Variants in RAD51B observed in about 807,000 individuals in gnomAD.
RAD51B encodes the protein DNA repair protein RAD51 homolog 2.
In RAD51B, 38 loss-of-function variants were observed where a neutral mutation model predicts 42.2. The observed-to-expected ratio is 0.90, with a 90% CI of 0.70 to 1.18. RAD51B has a LOEUF of 1.18. Among genes scored for constraint, RAD51B ranks in the 50% most tolerant of loss-of-function variants. The probability of loss-of-function intolerance (pLI) is 0.00; values close to 1 mark genes in which losing one functional copy is unlikely to be tolerated. For synonymous variants in RAD51B, 154 were observed against 145.2 expected, an observed-to-expected ratio of 1.06 and a Z score of -0.43; for missense variants, 373 against 400.7, an observed-to-expected ratio of 0.93 and a Z score of 0.59.
intron 7 of RAD51B, among the ~76,000 whole-genome samples, chr14:67,945,762 T>C (rs964483306): frequency 5.3e-5 from 8 of 152,106 alleles, no homozygotes; most frequent in African/African-American, 1.7e-4. Context: ...TGAGCTACCA[T>C]GCCCAGCCCA....
At chr14:68,428,741 ATATATATATATATATATATATAT>A (rs1198271369) in intron 9 of RAD51B, among the ~76,000 whole-genome samples, 3 of 40,452 alleles carry the variant, frequency 7.4e-5, no homozygotes, top group Non-Finnish European at 1.6e-4. Context: ...ATATATATAT[ATATATATATATATATATATATAT>A]AATTATTATA....
chr14:68,086,324 C>T (rs541399922), intron 7 of RAD51B, among the ~76,000 whole-genome samples: 47 of 152,192 alleles, frequency 3.1e-4, no homozygotes, highest in Middle Eastern at 3.4e-3. Flanking sequence ...GTGTGTTCCT[C>T]GGCTCGTGTG....
At chr14:68,335,151 G>C (rs1333270205) in intron 8 of RAD51B, among the ~76,000 whole-genome samples, 1 of 150,350 alleles carries the variant, frequency 6.7e-6, no homozygotes, top group African/African-American at 2.4e-5. Context: ...ACAAAAATTA[G>C]CTGGGCATGG....
At chr14:68,271,443 C>T (rs541825547) in intron 7 of RAD51B, among the ~76,000 whole-genome samples, 2 of 152,244 alleles carry the variant, frequency 1.3e-5, no homozygotes, top group East Asian at 1.9e-4. Flanking sequence ...TTTAACCTCT[C>T]TGAGACTCAT....
At chr14:67,847,822 C>A (rs1447126713) in intron 4 of RAD51B, among the ~76,000 whole-genome samples, 2 of 152,074 alleles carry the variant, frequency 1.3e-5, no homozygotes, top group African/African-American at 4.8e-5. Flanking sequence ...AAGTTTAAGT[C>A]CAGAGTTTCT....
At chr14:68,532,772 A>G (rs941726742) in intron 10 of RAD51B, among the ~76,000 whole-genome samples, 1 of 152,228 alleles carries the variant, frequency 6.6e-6, no homozygotes, top group African/African-American at 2.4e-5. Context: ...GAACAGACTA[A>G]TCCATTATAA....
intron 4 of RAD51B, among the ~76,000 whole-genome samples, chr14:67,854,018 T>A (rs2041905558): frequency 6.6e-6 from 1 of 152,176 alleles, no homozygotes; most frequent in Non-Finnish European, 1.5e-5. Flanking sequence ...ACCTTAAAGT[T>A]TGTATTATGT....
rs1012006089 is a variant in RAD51B, at chr14:68,235,655, G to C, written c.757-56229G>C. Among the ~76,000 whole-genome samples the C allele has an allele frequency of 7.0e-4, 84 of 119,974 alleles. 1 individual carries two copies. Among genetic ancestry groups the C allele is most frequent in the African/African-American group, 2.5e-3 (79 of 31,218 alleles). 78.7% of individuals were successfully genotyped at this position (119,974 alleles called of 152,430 possible). Reference sequence around the variant, plus strand: ...GGAGGCGGAGCTTGCAGTGAGCCGAGATCCCGCCACTGCACTCCAGCCTGG... The same window carrying C: ...GGAGGCGGAGCTTGCAGTGAGCCGACATCCCGCCACTGCACTCCAGCCTGG... On this transcript the variant is annotated intron_variant, in intron 7 of 10. Coordinates refer to ENST00000471583, the MANE Select transcript of RAD51B (RefSeq NM_133510.4).
Position 68,477,906 on chromosome 14 carries a change from G to C in RAD51B, c.*242G>C, listed in dbSNP as rs11622203. On this transcript the variant is annotated 3_prime_UTR_variant, in exon 11 of 11. Transcript: ENST00000471583. ...GATGTGTAGGGCTGAGGGCTTTGCC[G>C]CCATGGGATGTCAACAGCCATAATA... is the stretch of plus-strand genomic sequence containing the variant. 7.7e-7 allele frequency: 1 copy of C among 1,296,492 alleles called. No homozygotes were observed. The highest frequency in any genetic ancestry group is 2.9e-5 in the East Asian group (1 of 33,992). The allele number at this position is 1,296,492 out of a possible 1,614,324, so 80.3% of individuals were successfully genotyped here. A position where few individuals can be genotyped will look rare whatever the true frequency, so the allele number is the denominator to read the frequency against.
intron 10 of RAD51B, among the ~76,000 whole-genome samples, chr14:68,524,908 A>G (rs1402097188): frequency 6.6e-6 from 1 of 152,248 alleles, no homozygotes; most frequent in Non-Finnish European, 1.5e-5. Context: ...TGTTCGTGAT[A>G]GGGGTTTCCA....
intron 7 of RAD51B, among the ~76,000 whole-genome samples, chr14:68,271,472 G>A (rs1287861094): frequency 1.3e-5 from 2 of 151,898 alleles, no homozygotes; most frequent in African/African-American, 4.8e-5. Context: ...TCTATAAAAT[G>A]AATATTATAG....
chr14:68,123,191 C>CTTTTTTTTTTTTTTTTTTTTTTTTTTTT (rs541886088), intron 7 of RAD51B, among the ~76,000 whole-genome samples: 1 of 125,502 alleles, frequency 8.0e-6, no homozygotes, highest in Non-Finnish European at 1.7e-5. Context: ...TTCTTTCTTT[C>CTTTTTTTTTTTTTTTTTTTTTTTTTTTT]TTTTTTTTTT....
At chr14:68,152,166 C>T (rs1019123755) in intron 7 of RAD51B, among the ~76,000 whole-genome samples, 2 of 152,030 alleles carry the variant, frequency 1.3e-5, no homozygotes, top group South Asian at 4.1e-4. Context: ...TTAATGTTCT[C>T]GTGTTATGTA....
chr14:68,525,688 A>G (rs1310050954), intron 10 of RAD51B, among the ~76,000 whole-genome samples: 2 of 152,118 alleles, frequency 1.3e-5, no homozygotes, highest in African/African-American at 4.8e-5. Flanking sequence ...ATCCTATAGC[A>G]TTACAACAAG....
chr14:67,963,645 G>A (rs2074712643), intron 7 of RAD51B, among the ~76,000 whole-genome samples: 1 of 151,880 alleles, frequency 6.6e-6, no homozygotes, highest in African/African-American at 2.4e-5. Flanking sequence ...CATCTGTAAT[G>A]ACAGAGCTGA....
rs572099530 is a variant in RAD51B, at chr14:68,107,704, G to A, written c.757-184180G>A. Reference sequence around the variant, plus strand: ...AATTGAATTTTTACAAGGGTGCCAAGACAATTCACTGGAGAGTAGTCTCTT... The same window carrying A: ...AATTGAATTTTTACAAGGGTGCCAAAACAATTCACTGGAGAGTAGTCTCTT... On this transcript the variant is annotated intron_variant, in intron 7 of 10. Coordinates refer to ENST00000471583, the MANE Select transcript of RAD51B (RefSeq NM_133510.4). Among the ~76,000 whole-genome samples the A allele has an allele frequency of 5.9e-5, 9 of 151,904 alleles. No individual in the cohort carries two copies. The East Asian group carries it at 1.7e-3, about 29-fold the overall frequency.
At chr14:68,200,617 A>G (rs188584406) in intron 7 of RAD51B, among the ~76,000 whole-genome samples, 70 of 152,256 alleles carry the variant, frequency 4.6e-4, no homozygotes, top group Admixed American at 9.8e-4. Flanking sequence ...ATTTACGCAT[A>G]CAATTTTACT....
At chr14:68,656,254 A>C (rs1418446766) in intron 11 of RAD51B, among the ~76,000 whole-genome samples, 1 of 152,160 alleles carries the variant, frequency 6.6e-6, no homozygotes, top group Non-Finnish European at 1.5e-5. Flanking sequence ...CTAGCTGGAC[A>C]ATCTGGGGCA....
At chr14:67,974,044 T>A (rs2074945274) in intron 7 of RAD51B, among the ~76,000 whole-genome samples, 1 of 152,082 alleles carries the variant, frequency 6.6e-6, no homozygotes. Flanking sequence ...AAATTTGAGA[T>A]GATCTGGGAA....
Sources: allele counts gnomAD v4.1 joint callset (sites outside exome capture counted in the v4.1 genomes callset), GRCh38; gene constraint gnomAD v4.1.1; transcripts MANE v1.5; gene names NCBI Gene and HGNC (gene_info 2026-07-23, HGNC 2026-07-21).